Variants in ZNF564 observed in about 807,000 individuals in gnomAD.
ZNF564 encodes zinc finger protein 564.
A neutral mutation model predicts 10.5 loss-of-function variants in ZNF564; 5 were observed. That is an observed-to-expected ratio of 0.48 (90% confidence interval 0.25 to 1.00). The LOEUF is 1.00. ZNF564 is among the 50% of genes least tolerant of loss of function. The pLI, the probability that ZNF564 is intolerant of heterozygous loss-of-function variation, is 0.16. For missense variants in ZNF564, 603 were observed against 669.7 expected (o/e 0.90, Z 1.10); for synonymous variants, 242 against 218.1 (o/e 1.11, Z -0.97).
At chr19:12,543,673 CAA>C (rs57611686) in intron 1 of ZNF564, among the ~76,000 whole-genome samples, 111 of 62,226 alleles carry the variant, frequency 1.8e-3, no homozygotes, top group African/African-American at 7.4e-3. Flanking sequence ...GACTTCGTCT[CAA>C]AAAAAAAAAA....
chr19:12,543,713 C>T (rs1285905304), intron 1 of ZNF564, among the ~76,000 whole-genome samples: 1 of 148,434 alleles, frequency 6.7e-6, no homozygotes, highest in Non-Finnish European at 1.5e-5. Context: ...AAATAGGACT[C>T]AAATATCTAA....
intron 3 of ZNF564, 77 bp downstream of exon 3, chr19:12,528,227 T>C (rs2021732094): frequency 1.5e-6 from 2 of 1,349,152 alleles, no homozygotes; most frequent in Admixed American, 4.4e-5. Context: ...CTGGGCTTAC[T>C]GGTTTGTTTA....
intron 1 of ZNF564, among the ~76,000 whole-genome samples, chr19:12,539,778 A>AG (rs2145083283): frequency 6.6e-6 from 1 of 152,198 alleles, no homozygotes; most frequent in South Asian, 2.1e-4. Context: ...GATAAAGACC[A>AG]TCCTGGCTAA....
chr19:12,536,806 T>C (rs759561808), intron 1 of ZNF564, among the ~76,000 whole-genome samples: 10 of 152,148 alleles, frequency 6.6e-5, no homozygotes, highest in Non-Finnish European at 1.5e-4. Context: ...CTTATTCTCA[T>C]TGGTAAATAC....
intron 1 of ZNF564, among the ~76,000 whole-genome samples, chr19:12,550,077 G>C (rs1282956097): frequency 1.3e-5 from 2 of 151,914 alleles, no homozygotes; most frequent in African/African-American, 4.8e-5. Flanking sequence ...CGGATCACCT[G>C]AGGTCGGGAG....
At chr19:12,534,756 G>GT (rs2145074660) in intron 1 of ZNF564, among the ~76,000 whole-genome samples, 1 of 152,306 alleles carries the variant, frequency 6.6e-6, no homozygotes, top group East Asian at 1.9e-4. Flanking sequence ...GGAGGCTGCA[G>GT]TAAGCCGAGA....
At chr19:12,541,407 C>G (rs903606235) in intron 1 of ZNF564, 1 of 151,740 alleles carries the variant, frequency 6.6e-6, no homozygotes, top group Non-Finnish European at 1.5e-5. Flanking sequence ...AAAATTAGCT[C>G]GGCGTGGTAG....
intron 1 of ZNF564, among the ~76,000 whole-genome samples, chr19:12,546,240 T>A (rs538134046): frequency 2.2e-4 from 33 of 152,208 alleles, no homozygotes; most frequent in Non-Finnish European, 4.0e-4. Flanking sequence ...ACACTCTGAC[T>A]AAACCAACTC....
Position 12,528,328 on chromosome 19 carries a change from T to C in ZNF564, c.167A>G (p.Tyr56Cys). 1 of 1,611,042 alleles carries C rather than the reference T, an allele frequency of 6.2e-7. No homozygotes were observed. The highest frequency in any genetic ancestry group is 1.1e-5 in the South Asian group (1 of 90,432). Residue 56 changes from tyrosine (Y) to cysteine (C), a missense_variant, in exon 3 of 4, where the codon TAC (tyrosine) becomes TGC (cysteine). Transcript: ENST00000339282. ...KWEDQSIEDWYKNQGRILRNH... is the reference protein window; with the variant it reads ...KWEDQSIEDWCKNQGRILRNH... ...CCTTAAAATTCTCCCCTGATTTTTG[T>C]ACCAATCTTCAATGCTCTGGTCTTC...
intron 1 of ZNF564, among the ~76,000 whole-genome samples, chr19:12,545,016 T>C (rs565515815): frequency 1.7e-3 from 254 of 152,126 alleles, no homozygotes; most frequent in African/African-American, 5.9e-3. Flanking sequence ...CCCAGCACTT[T>C]GGGAGGCCAA....
At chr19:12,532,360 C>A (rs1389401023) in intron 1 of ZNF564, among the ~76,000 whole-genome samples, 1 of 150,708 alleles carries the variant, frequency 6.6e-6, no homozygotes, top group Non-Finnish European at 1.5e-5. Flanking sequence ...ACGGTGAAAC[C>A]CCGTCTCTAC....
intron 3 of ZNF564, 25 bp from the exon 4 acceptor site, chr19:12,527,941 T>C: frequency 1.3e-6 from 2 of 1,555,492 alleles, no homozygotes; most frequent in South Asian, 1.3e-5. Flanking sequence ...AAGCAAGATT[T>C]AGTGGTTTGT....
At chr19:12,531,821 C>T (rs760185337) in intron 1 of ZNF564, among the ~76,000 whole-genome samples, 4 of 152,058 alleles carry the variant, frequency 2.6e-5, no homozygotes, top group Admixed American at 6.6e-5. Context: ...GATATTAATA[C>T]AACTGTATCA....
At position 12,527,933 on chromosome 19, in the gene ZNF564, G is replaced by T; in HGVS notation, c.192-17C>A. On this transcript the variant is annotated splice_polypyrimidine_tract_variant and intron_variant, in intron 3 of 3. Coordinates refer to ENST00000339282, the MANE Select transcript of ZNF564 (RefSeq NM_144976.4). ...ATATGATTTCTGGAAAAAATAGAAA[G>T]CAAGATTTAGTGGTTTGTGACTTTA... 6.4e-7 allele frequency: 1 copy of T among 1,562,804 alleles called. No homozygotes were observed. Among genetic ancestry groups the T allele is most frequent in the Non-Finnish European group, 8.6e-7 (1 of 1,158,320 alleles).
chr19:12,527,642 A>C lies in ZNF564; in HGVS notation c.466T>G (p.Phe156Val), dbSNP rs1182495161. Residue 156 changes from phenylalanine to valine, a missense_variant, in exon 4 of 4, where the codon TTT becomes GTT. Physicochemically the swap from Phe to Val is conservative, Grantham distance 50 (BLOSUM62 -1). Transcript: ENST00000339282. Reference sequence around the variant, plus strand: ...GTGTGAGTTCTTTCATGTCTTCGAAAGGATTGACAAGAACTGAAGGCTTTC... The same window carrying C: ...GTGTGAGTTCTTTCATGTCTTCGAACGGATTGACAAGAACTGAAGGCTTTC... ...CGKAFSSCQSFRRHERTHTGE... is the reference protein window; with the variant it reads ...CGKAFSSCQSVRRHERTHTGE... The C allele has an allele frequency of 6.2e-7, 1 of 1,614,134 alleles. No individual in the cohort carries two copies. Among genetic ancestry groups the C allele is most frequent in the Admixed American group, 1.7e-5 (1 of 60,002 alleles).
chr19:12,531,158 C>A lies in ZNF564; in HGVS notation c.4-2462G>T, dbSNP rs369862996. ...ACTGTTGAAGAGTCAACAAAAAGTT[C>A]TTCTCCAAATGTAGCAGGAATAATG... On this transcript the variant is annotated intron_variant, in intron 1 of 3. Transcript: ENST00000339282. Among the ~76,000 whole-genome samples the A allele has an allele frequency of 5.5e-4, 84 of 152,286 alleles. 1 individual carries two copies. Among genetic ancestry groups the A allele is most frequent in the African/African-American group, 2.0e-3 (83 of 41,556 alleles).
chr19:12,535,850 T>C (rs2021898525), intron 1 of ZNF564, among the ~76,000 whole-genome samples: 1 of 151,878 alleles, frequency 6.6e-6, no homozygotes, highest in Non-Finnish European at 1.5e-5. Flanking sequence ...CCATCTCTAC[T>C]AAAAATACAA....
Sources: allele counts gnomAD v4.1 joint callset (sites outside exome capture counted in the v4.1 genomes callset), GRCh38; gene constraint gnomAD v4.1.1; transcripts MANE v1.5; gene names NCBI Gene and HGNC (gene_info 2026-07-23, HGNC 2026-07-21).